GULP1: variants seen among roughly 807,000 people sequenced by gnomAD.
GULP1 encodes GULP PTB domain containing engulfment adaptor 1.
Under a neutral mutation model 40.9 loss-of-function variants are expected in GULP1, and 19 were observed. That is an observed-to-expected ratio of 0.46 (90% CI 0.32 to 0.68). The LOEUF (loss-of-function observed/expected upper bound fraction) is 0.68, where lower values mean the gene tolerates loss of function less well. Among genes scored for constraint, GULP1 ranks in the 30% least tolerant of loss-of-function variants. GULP1 has a pLI of 0.03. For missense variants in GULP1, 312 were observed against 362.2 expected, an observed-to-expected ratio of 0.86 and a Z score of 1.12; for synonymous variants, 119 against 117.6, an observed-to-expected ratio of 1.01 and a Z score of -0.08.
intron 2 of GULP1, among the ~76,000 whole-genome samples, chr2:188,470,712 G>A (rs1356959093): frequency 6.6e-6 from 1 of 151,992 alleles, no homozygotes; most frequent in Admixed American, 6.6e-5. Context: ...TCATATATTT[G>A]TATAGTTTTC....
In GULP1 at chr2:188,458,139, T is replaced by G. The variant is rs557961953; in HGVS notation, c.-44-19520T>G. Among the ~76,000 whole-genome samples the G allele has an allele frequency of 1.7e-4, 26 of 152,318 alleles. No homozygotes were observed. In the South Asian group the frequency reaches 5.2e-3, roughly 30 times the overall value. On this transcript the variant is annotated intron_variant, in intron 2 of 11. Coordinates refer to ENST00000409830, the MANE Select transcript of GULP1 (RefSeq NM_016315.4). ...AAACTATTAAGTATTTTAGTATGTT[T>G]CCATGAGTCAGCCTTCCCTTCTCTT...
chr2:188,303,707 G>T (rs1417025367), intron 1 of GULP1, among the ~76,000 whole-genome samples: 6 of 152,166 alleles, frequency 3.9e-5, no homozygotes, highest in African/African-American at 1.4e-4. Context: ...CATTAGAGAA[G>T]CAGTTATTGA....
chr2:188,505,970 A>G (rs1199093911), intron 4 of GULP1, among the ~76,000 whole-genome samples: 1 of 151,878 alleles, frequency 6.6e-6, no homozygotes, highest in African/African-American at 2.4e-5. Context: ...ACACATCTAC[A>G]TAGTACAGTT....
intron 8 of GULP1, 87 bp from the exon 9 acceptor site, chr2:188,569,940 CG>C: frequency 1.7e-6 from 1 of 582,726 alleles, no homozygotes; most frequent in Non-Finnish European, 3.0e-6. Context: ...TAAAGTTTTA[CG>C]TAATATAAAT....
intron 4 of GULP1, among the ~76,000 whole-genome samples, chr2:188,495,929 C>T (rs945502698): frequency 6.6e-6 from 1 of 151,786 alleles, no homozygotes; most frequent in Non-Finnish European, 1.5e-5. Context: ...GAGGTTAGTC[C>T]CTGATTCCTT....
intron 2 of GULP1, among the ~76,000 whole-genome samples, chr2:188,417,903 A>G (rs1427307530): frequency 6.6e-6 from 1 of 151,970 alleles, no homozygotes; most frequent in Non-Finnish European, 1.5e-5. Flanking sequence ...TGATTCTTCT[A>G]CCTCAGCCTC....
intron 2 of GULP1, among the ~76,000 whole-genome samples, chr2:188,474,751 A>G (rs1194696370): frequency 6.6e-6 from 1 of 152,062 alleles, no homozygotes; most frequent in Non-Finnish European, 1.5e-5. Context: ...TGTTAAATTG[A>G]TGTCTTTGTT....
chr2:188,500,311 C>G (rs2063314880), intron 4 of GULP1, among the ~76,000 whole-genome samples: 1 of 151,806 alleles, frequency 6.6e-6, no homozygotes, highest in Non-Finnish European at 1.5e-5. Flanking sequence ...ATGCAAATAG[C>G]AAAATAAGGG....
chr2:188,510,457 A>G (rs2064390206), intron 4 of GULP1, among the ~76,000 whole-genome samples: 4 of 152,150 alleles, frequency 2.6e-5, no homozygotes, highest in African/African-American at 4.8e-5. Flanking sequence ...AAAAAATAAT[A>G]CTACTAGATT....
chr2:188,348,176 T>C (rs1325159668), intron 1 of GULP1, among the ~76,000 whole-genome samples: 2 of 152,352 alleles, frequency 1.3e-5, no homozygotes, highest in East Asian at 3.9e-4. Context: ...ATTGATATAA[T>C]AGGAGATATA....
At chr2:188,512,849 CTT>C (rs1335041499) in intron 4 of GULP1, among the ~76,000 whole-genome samples, 4 of 1,576 alleles carry the variant, frequency 2.5e-3, no homozygotes, top group Admixed American at 0.015. Context: ...AAAGAGAAGT[CTT>C]TGTTTTCATT....
chr2:188,450,267 T>C (rs1416613014), intron 2 of GULP1, among the ~76,000 whole-genome samples: 6 of 152,166 alleles, frequency 3.9e-5, no homozygotes, highest in Admixed American at 2.0e-4. Context: ...AAGTTTACAT[T>C]TGTTTGTTGT....
intron 2 of GULP1, among the ~76,000 whole-genome samples, chr2:188,446,002 A>G (rs974830803): frequency 6.6e-6 from 1 of 152,166 alleles, no homozygotes; most frequent in Non-Finnish European, 1.5e-5. Flanking sequence ...TTAGCTGCCC[A>G]TTCTTCAGCC....
intron 1 of GULP1, among the ~76,000 whole-genome samples, chr2:188,335,322 C>T (rs569781253): frequency 6.6e-6 from 1 of 152,200 alleles, no homozygotes; most frequent in African/African-American, 2.4e-5. Flanking sequence ...CCTTTTCTCT[C>T]TTGATTCATC....
chr2:188,335,629 A>G (rs1222473647), intron 1 of GULP1, among the ~76,000 whole-genome samples: 1 of 152,122 alleles, frequency 6.6e-6, no homozygotes, highest in East Asian at 1.9e-4. Flanking sequence ...GGCAAGGGCT[A>G]TTTTCAGTGA....
intron 2 of GULP1, among the ~76,000 whole-genome samples, chr2:188,444,643 G>A (rs940708166): frequency 1.3e-5 from 2 of 152,144 alleles, no homozygotes; most frequent in East Asian, 1.9e-4. Context: ...TTGTATCATA[G>A]TAATTTCCGA....
At chr2:188,565,117 A>G (rs1697329772) in intron 7 of GULP1, among the ~76,000 whole-genome samples, 1 of 151,942 alleles carries the variant, frequency 6.6e-6, no homozygotes. Flanking sequence ...AAAACATAGA[A>G]TGTCATTATG....
intron 2 of GULP1, among the ~76,000 whole-genome samples, chr2:188,459,481 A>G (rs746853291): frequency 6.6e-6 from 1 of 152,166 alleles, no homozygotes; most frequent in South Asian, 2.1e-4. Flanking sequence ...TTTGAGAAAT[A>G]GCTATTCAAA....
At chr2:188,468,343 T>C (rs1393699061) in intron 2 of GULP1, among the ~76,000 whole-genome samples, 1 of 152,206 alleles carries the variant, frequency 6.6e-6, no homozygotes, top group Admixed American at 6.5e-5. Flanking sequence ...TTCCTTACTC[T>C]AAAAATATCT....
Sources: gnomAD v4.1 joint callset for allele counts (sites outside exome capture counted in the v4.1 genomes callset) on GRCh38, gnomAD v4.1.1 for gene constraint, MANE v1.5 for transcripts, NCBI Gene and HGNC (gene_info 2026-07-23, HGNC 2026-07-21) for gene names.